The following LNX1 variants were observed in gnomAD, a reference collection of about 807,000 sequenced individuals.
LNX1 encodes the protein ligand of numb-protein X 1.
A neutral mutation model predicts 68.4 loss-of-function variants in LNX1; 54 were observed. The observed-to-expected ratio is 0.79, with a 90% confidence interval of 0.63 to 0.99. The LOEUF (loss-of-function observed/expected upper bound fraction) is 0.99, where lower values mean the gene tolerates loss of function less well. Ranked by LOEUF, LNX1 falls within the 50% of genes least tolerant of loss-of-function variation. The pLI is 0.00. For synonymous variants in LNX1, 336 were observed against 350.0 expected (o/e 0.96, Z 0.45); for missense variants, 906 against 926.4 (o/e 0.98, Z 0.29).
chr4:53,574,935 C>T (rs1425717234), intron 1 of LNX1, among the ~76,000 whole-genome samples: 1 of 151,922 alleles, frequency 6.6e-6, no homozygotes, highest in Non-Finnish European at 1.5e-5. Flanking sequence ...TATAAGGGGC[C>T]TTTAAGCTTT....
chr4:53,567,936 A>G (rs1238382989), intron 2 of LNX1, among the ~76,000 whole-genome samples: 2 of 152,044 alleles, frequency 1.3e-5, no homozygotes, highest in Non-Finnish European at 2.9e-5. Flanking sequence ...CTCTCCCAAG[A>G]CTAAACCAGG....
At chr4:53,645,493 A>AG (rs1734851376) in intron 1 of LNX1, among the ~76,000 whole-genome samples, 3 of 152,238 alleles carry the variant, frequency 2.0e-5, no homozygotes, top group Admixed American at 1.3e-4. Context: ...CCAAAGAGCA[A>AG]GGGCCACTGA....
upstream of LNX1, among the ~76,000 whole-genome samples, chr4:53,592,202 C>G (rs919601149): frequency 6.6e-6 from 1 of 151,960 alleles, no homozygotes; most frequent in African/African-American, 2.4e-5. Flanking sequence ...CACTGCAGGC[C>G]TGCAATTAGG....
chr4:53,535,559 G>A (rs1002464139), intron 2 of LNX1, among the ~76,000 whole-genome samples: 5 of 151,980 alleles, frequency 3.3e-5, no homozygotes, highest in African/African-American at 7.3e-5. Flanking sequence ...TTTTGTTAGT[G>A]AATACTTTAA....
chr4:53,565,287 G>A (rs1034310727), intron 2 of LNX1, among the ~76,000 whole-genome samples: 4 of 152,018 alleles, frequency 2.6e-5, no homozygotes, highest in Non-Finnish European at 4.4e-5. Context: ...CTCCCAGTAC[G>A]CAGCTGGAGA....
rs1721926928 is a variant in LNX1, at chr4:53,460,902, T to C, written c.*5A>G. 1 of 1,608,174 alleles carries C rather than the reference T, an allele frequency of 6.2e-7. No homozygotes were observed. The highest frequency in any genetic ancestry group is 8.5e-7 in the Non-Finnish European group (1 of 1,177,822). On this transcript the variant is annotated 3_prime_UTR_variant, in exon 11 of 11. Coordinates refer to ENST00000263925, the MANE Select transcript of LNX1 (RefSeq NM_001126328.3). ...TTTCTGTTTTCCTCTGACCCATCATTGATTCTATAAAAAAGTGCCAGGCCA... is the reference window on the plus strand; with the variant it reads ...TTTCTGTTTTCCTCTGACCCATCATCGATTCTATAAAAAAGTGCCAGGCCA...
chr4:53,567,488 G>T (rs1337885277), intron 2 of LNX1, among the ~76,000 whole-genome samples: 11 of 152,288 alleles, frequency 7.2e-5, no homozygotes, highest in African/African-American at 2.2e-4. Context: ...TGGGACGCAT[G>T]CAAAGCAGTG....
chr4:53,568,241 T>C (rs1730849993), intron 2 of LNX1, among the ~76,000 whole-genome samples: 3 of 151,394 alleles, frequency 2.0e-5, no homozygotes, highest in African/African-American at 7.3e-5. Flanking sequence ...GATGCAAAAA[T>C]CCTCAATAAA....
chr4:53,605,635 A>ATC lies in LNX1; in HGVS notation c.-215+10881_-215+10882insGA, dbSNP rs1733198237. Among the ~76,000 whole-genome samples the ATC allele has an allele frequency of 2.6e-5, 4 of 152,184 alleles. No homozygotes were observed. The East Asian group carries it at 7.7e-4, about 29-fold the overall frequency. ...CCATCATTATACTCTGTTTCTCTGT[A>ATC]TTCATGTTTTTTTTAAAATTCCATA... On this transcript the variant is annotated intron_variant, in intron 2 of 3. Coordinates refer to the LNX1 transcript ENST00000504299.
At chr4:53,469,232 G>A (rs1722952919) in intron 9 of LNX1, among the ~76,000 whole-genome samples, 1 of 152,192 alleles carries the variant, frequency 6.6e-6, no homozygotes, top group Admixed American at 6.5e-5. Flanking sequence ...ACCTGCTCCT[G>A]AATGACTACT....
intron 2 of LNX1, among the ~76,000 whole-genome samples, chr4:53,512,847 T>C (rs1157935938): frequency 2.6e-5 from 4 of 152,102 alleles, no homozygotes; most frequent in Admixed American, 1.3e-4. Flanking sequence ...GTGGGGTTCC[T>C]GGGGCCAGGC....
intron 1 of LNX1, among the ~76,000 whole-genome samples, chr4:53,637,957 C>T (rs544536919): frequency 6.6e-6 from 1 of 152,264 alleles, no homozygotes; most frequent in East Asian, 1.9e-4. Context: ...AGAAGGCTCC[C>T]ACTGTGTATT....
chr4:53,552,934 C>T (rs78716877), intron 2 of LNX1, among the ~76,000 whole-genome samples: 21,215 of 152,078 alleles, frequency 0.14, 1,800 homozygotes, highest in East Asian at 0.22. Flanking sequence ...TACAGTGCTG[C>T]ATCCTGAAAC....
chr4:53,517,128 G>A (rs1373427618), intron 2 of LNX1, among the ~76,000 whole-genome samples: 1 of 152,134 alleles, frequency 6.6e-6, no homozygotes, highest in Non-Finnish European at 1.5e-5. Flanking sequence ...GGGTGGGGGT[G>A]GTTGGGGGTG....
chr4:53,559,475 T>C (rs975879505), intron 2 of LNX1, among the ~76,000 whole-genome samples: 1 of 152,178 alleles, frequency 6.6e-6, no homozygotes, highest in African/African-American at 2.4e-5. Flanking sequence ...CTCTGCTGCA[T>C]ACTAGCTGTA....
intron 2 of LNX1, among the ~76,000 whole-genome samples, chr4:53,543,974 C>G (rs1004045310): frequency 3.9e-5 from 6 of 152,188 alleles, no homozygotes; most frequent in Non-Finnish European, 7.3e-5. Context: ...ACACATTGAC[C>G]TCATCTCTGG....
rs562331667 is a variant in LNX1, at chr4:53,631,861, C to CT, written c.-215+20306dup. ...GTCTCTTTGGAGGTGGAGCCTGAGC[C>CT]TTTTTTTTTTTAAGTCCTTGAGAAT... On this transcript the variant is annotated intron_variant, in intron 1 of 2. Coordinates refer to the LNX1 transcript ENST00000507168. Among the ~76,000 whole-genome samples, 134 of 145,768 alleles carry CT rather than the reference C, an allele frequency of 9.2e-4. 1 individual carries two copies. The highest frequency in any genetic ancestry group is 2.2e-3 in the African/African-American group (88 of 39,932).
chr4:53,593,180 G>A (rs1023584789), upstream of LNX1: 1 of 152,130 alleles, frequency 6.6e-6, no homozygotes, highest in Non-Finnish European at 1.5e-5. Context: ...TTTGATAATT[G>A]AGAAACATCA....
chr4:53,464,147 G>A (rs1169602046), intron 9 of LNX1, among the ~76,000 whole-genome samples: 5 of 152,098 alleles, frequency 3.3e-5, no homozygotes, highest in African/African-American at 7.2e-5. Flanking sequence ...ATAGAAAACC[G>A]TCCTTTCACA....
Sources: allele counts gnomAD v4.1 joint callset (sites outside exome capture counted in the v4.1 genomes callset), GRCh38; gene constraint gnomAD v4.1.1; transcripts MANE v1.5; gene names NCBI Gene and HGNC (gene_info 2026-07-23, HGNC 2026-07-21).